The following HPSE2 variants were observed in gnomAD, a reference collection of about 807,000 sequenced individuals.
The protein encoded by HPSE2 is inactive heparanase-2.
Under a neutral mutation model 60.5 loss-of-function variants are expected in HPSE2, and 38 were observed. That is an observed-to-expected ratio of 0.63 (90% CI 0.48 to 0.82). The LOEUF is 0.82. Ranked by LOEUF, HPSE2 falls within the 40% of genes least tolerant of loss-of-function variation. The pLI is 0.00. For synonymous variants in HPSE2, 295 were observed against 293.2 expected (o/e 1.01, Z -0.06); for missense variants, 713 against 740.4 (o/e 0.96, Z 0.43).
chr10:98,781,306 T>TTTTTTTA (rs66481971), intron 3 of HPSE2, among the ~76,000 whole-genome samples: 1 of 120,106 alleles, frequency 8.3e-6, no homozygotes, highest in Non-Finnish European at 1.7e-5. Flanking sequence ...TTTTTTTTTT[T>TTTTTTTA]ATTTTTAAAT....
At chr10:98,489,786 T>C (rs971827102) in intron 10 of HPSE2, among the ~76,000 whole-genome samples, 2 of 152,238 alleles carry the variant, frequency 1.3e-5, no homozygotes, top group African/African-American at 4.8e-5. Flanking sequence ...TAAAAATGTG[T>C]TGGATGAATA....
intron 3 of HPSE2, among the ~76,000 whole-genome samples, chr10:98,870,754 A>G (rs1181321400): frequency 6.6e-6 from 1 of 152,026 alleles, no homozygotes; most frequent in African/African-American, 2.4e-5. Context: ...TGAGATACTG[A>G]TACTGAGTTT....
chr10:98,804,405 C>A (rs1427992352), intron 3 of HPSE2, among the ~76,000 whole-genome samples: 1 of 151,712 alleles, frequency 6.6e-6, no homozygotes, highest in Non-Finnish European at 1.5e-5. Context: ...AATAACCAAA[C>A]TATATAAGGA....
At position 98,578,987 on chromosome 10, in the gene HPSE2, G is replaced by A. The variant is rs1011262081; in HGVS notation, c.1320+35917C>T. Among the ~76,000 whole-genome samples, 4 of 152,172 alleles carry A rather than the reference G, an allele frequency of 2.6e-5. No homozygotes were observed. The East Asian group carries it at 7.7e-4, about 29-fold the overall frequency. On this transcript the variant is annotated intron_variant, in intron 9 of 11. Coordinates refer to ENST00000370552, the MANE Select transcript of HPSE2 (RefSeq NM_021828.5). ...AAAAGACTTTCCAAAGCCTAGATAA[G>A]ATATTGTGAAATTTACACAGGAATT...
At chr10:99,014,941 C>A (rs1288054411) in intron 3 of HPSE2, among the ~76,000 whole-genome samples, 1 of 152,108 alleles carries the variant, frequency 6.6e-6, no homozygotes, top group Non-Finnish European at 1.5e-5. Flanking sequence ...GGGCTAATAT[C>A]CAGAATCTAC....
intron 3 of HPSE2, among the ~76,000 whole-genome samples, chr10:98,807,004 G>A (rs2484938): frequency 0.064 from 9,749 of 152,092 alleles, 1,011 homozygotes; most frequent in African/African-American, 0.22. Context: ...TTAGCTGGGC[G>A]TGGTGGCAGG....
chr10:98,542,078 C>A (rs914445146), intron 9 of HPSE2, among the ~76,000 whole-genome samples: 4 of 151,488 alleles, frequency 2.6e-5, no homozygotes, highest in East Asian at 1.9e-4. Context: ...AGGCACCCCC[C>A]AGTAGGGGCA....
intron 4 of HPSE2, among the ~76,000 whole-genome samples, chr10:98,726,925 T>C (rs2134270942): frequency 6.6e-6 from 1 of 152,204 alleles, no homozygotes; most frequent in East Asian, 1.9e-4. Context: ...AAATTTTTAA[T>C]GTGTTTCCCA....
At chr10:98,796,715 G>A (rs573939677) in intron 3 of HPSE2, among the ~76,000 whole-genome samples, 2 of 152,264 alleles carry the variant, frequency 1.3e-5, no homozygotes, top group East Asian at 1.9e-4. Context: ...ACAGGCCTTG[G>A]GCAAGACCCA....
At chr10:98,721,558 A>AAAATAAATAAAT (rs147098746) in intron 5 of HPSE2, 99 bp downstream of exon 5, 1 of 1,167,156 alleles carries the variant, frequency 8.6e-7, no homozygotes, top group African/African-American at 1.6e-5. Context: ...TCTTAAGACC[A>AAAATAAATAAAT]AAATAAATAA....
chr10:98,644,216 C>G (rs1427873063), intron 6 of HPSE2, among the ~76,000 whole-genome samples: 2 of 152,184 alleles, frequency 1.3e-5, no homozygotes, highest in African/African-American at 2.4e-5. Flanking sequence ...AATATTTTCA[C>G]AGGGTTGGTG....
At chr10:98,648,702 C>A (rs1565047024) in intron 6 of HPSE2, among the ~76,000 whole-genome samples, 1 of 151,914 alleles carries the variant, frequency 6.6e-6, no homozygotes, top group Non-Finnish European at 1.5e-5. Context: ...GCTATTATGG[C>A]ACCAGTACTC....
chr10:98,606,375 C>T (rs1319080955), intron 9 of HPSE2, among the ~76,000 whole-genome samples: 1 of 152,224 alleles, frequency 6.6e-6, no homozygotes, highest in African/African-American at 2.4e-5. Flanking sequence ...AAAATATCAA[C>T]ACCTGGGATC....
intron 3 of HPSE2, among the ~76,000 whole-genome samples, chr10:99,104,227 T>C (rs1564810171): frequency 6.6e-6 from 1 of 152,094 alleles, no homozygotes; most frequent in African/African-American, 2.4e-5. Flanking sequence ...AATTTTGCAA[T>C]CTACTCATCT....
rs759306656 is a variant in HPSE2 at position 98,459,651 on chromosome 10, TCCGGCCGG to T, written c.1694_1701del (p.Ala565AspfsTer48). ...ATGGTGACTGGAGGGATGACCAATG[TCCGGCCGG>T]CCCGAAGGGGGCGGGGCTTCAATTC... On this transcript the variant is annotated frameshift_variant, in exon 12 of 12. Transcript: ENST00000370552. LOFTEE classifies it high-confidence loss of function. The T allele has an allele frequency of 6.2e-7, 1 of 1,614,152 alleles. No individual in the cohort carries two copies. The highest frequency in any genetic ancestry group is 8.5e-7 in the Non-Finnish European group (1 of 1,180,002).
chr10:98,988,898 C>G (rs1956447368), intron 3 of HPSE2, among the ~76,000 whole-genome samples: 1 of 139,462 alleles, frequency 7.2e-6, no homozygotes, highest in Admixed American at 6.9e-5. Flanking sequence ...TGAAAAAATG[C>G]TCATCATCTC....
intron 3 of HPSE2, among the ~76,000 whole-genome samples, chr10:98,756,068 G>A (rs143569078): frequency 1.3e-3 from 192 of 152,164 alleles, no homozygotes; most frequent in East Asian, 0.012. Context: ...ACCTGTTCCC[G>A]AATGACTTTT....
chr10:98,749,947 T>TATATATATACACACACACAC, intron 3 of HPSE2, among the ~76,000 whole-genome samples: 2 of 98,484 alleles, frequency 2.0e-5, no homozygotes, highest in Admixed American at 2.3e-4. Flanking sequence ...TATATATATA[T>TATATATATACACACACACAC]ACACACACAC....
chr10:98,954,115 C>T (rs150859210), intron 3 of HPSE2, among the ~76,000 whole-genome samples: 1 of 152,132 alleles, frequency 6.6e-6, no homozygotes, highest in African/African-American at 2.4e-5. Context: ...ACCAGCCTGG[C>T]CAATATGGTA....
Sources: gnomAD v4.1 joint callset for allele counts (sites outside exome capture counted in the v4.1 genomes callset) on GRCh38, gnomAD v4.1.1 for gene constraint, MANE v1.5 for transcripts, NCBI Gene and HGNC (gene_info 2026-07-23, HGNC 2026-07-21) for gene names.